TIAM1: variants seen among roughly 807,000 people sequenced by gnomAD.
The protein encoded by TIAM1 is TIAM Rac1 associated GEF 1, also known as rho guanine nucleotide exchange factor TIAM1.
In TIAM1, 65 loss-of-function variants were observed where a neutral mutation model predicts 163.5. The observed-to-expected ratio is 0.40, with a 90% CI of 0.33 to 0.49. The LOEUF (loss-of-function observed/expected upper bound fraction) is 0.49. TIAM1 is among the 20% of genes least tolerant of loss of function. The probability of loss-of-function intolerance (pLI) is 0.77; values close to 1 mark genes in which losing one functional copy is unlikely to be tolerated. For synonymous variants in TIAM1, 833 were observed against 810.1 expected (o/e 1.03, Z -0.48); for missense variants, 1,789 against 2,044.7 (o/e 0.87, Z 2.41).
chr21:31,408,406 C>G (rs938157765), intron 2 of TIAM1, among the ~76,000 whole-genome samples: 1 of 152,106 alleles, frequency 6.6e-6, no homozygotes, highest in African/African-American at 2.4e-5. Flanking sequence ...GAATTCTCTT[C>G]TTTTATAAAG....
chr21:31,391,826 G>C (rs555275650), intron 2 of TIAM1, among the ~76,000 whole-genome samples: 11 of 152,238 alleles, frequency 7.2e-5, no homozygotes, highest in Non-Finnish European at 1.3e-4. Context: ...AAAATTAAAA[G>C]CTGCTAGACA....
chr21:31,159,536 A>G (rs2083796466), intron 16 of TIAM1, among the ~76,000 whole-genome samples: 1 of 152,230 alleles, frequency 6.6e-6, no homozygotes, highest in Admixed American at 6.5e-5. Flanking sequence ...AAAATCTTAT[A>G]GCCTTTACTT....
chr21:31,438,151 C>T (rs917192962), intron 2 of TIAM1, among the ~76,000 whole-genome samples: 5 of 142,434 alleles, frequency 3.5e-5, no homozygotes, highest in African/African-American at 1.0e-4. Flanking sequence ...CTAGGCCACA[C>T]ATACATATGT....
chr21:31,347,692 G>T (rs1381056855), upstream of TIAM1, among the ~76,000 whole-genome samples: 1 of 152,126 alleles, frequency 6.6e-6, no homozygotes, highest in African/African-American at 2.4e-5. Flanking sequence ...GACGCTAAAT[G>T]ATACAAAAAT....
At chr21:31,168,510 C>T (rs746365880) in intron 15 of TIAM1, among the ~76,000 whole-genome samples, 9 of 152,206 alleles carry the variant, frequency 5.9e-5, no homozygotes, top group African/African-American at 9.7e-5. Flanking sequence ...ACACCATTCT[C>T]CTGCCTCAGT....
intron 1 of TIAM1, among the ~76,000 whole-genome samples, chr21:31,519,481 C>T (rs2047501805): frequency 6.9e-6 from 1 of 145,618 alleles, no homozygotes; most frequent in African/African-American, 2.5e-5. Flanking sequence ...TGCACTCCAG[C>T]CTGAGCCACA....
rs2077047175 is a variant in TIAM1 at position 31,395,359 on chromosome 21, T to G, written c.-368-55937A>C. On this transcript the variant is annotated intron_variant, in intron 2 of 28. Transcript: ENST00000286827. The surrounding 1 kb of genome is among the most constrained non-coding windows in gnomAD (Gnocchi z 7.5). ...ACAAATGGCCCCACACACAGATCACTGCTTGCCTCCAGAGAGAAGCAGTCC... is the reference window on the plus strand; with the variant it reads ...ACAAATGGCCCCACACACAGATCACGGCTTGCCTCCAGAGAGAAGCAGTCC... 6.6e-6 allele frequency among the ~76,000 whole-genome samples: 1 copy of G among 152,070 alleles called. No homozygotes were observed. Among genetic ancestry groups the G allele is most frequent in the Non-Finnish European group, 1.5e-5 (1 of 67,990 alleles).
At chr21:31,376,621 T>C (rs1010376139) in intron 2 of TIAM1, among the ~76,000 whole-genome samples, 1 of 152,058 alleles carries the variant, frequency 6.6e-6, no homozygotes, top group Admixed American at 6.6e-5. Flanking sequence ...CTGAAAGGAC[T>C]TGTGGGTGAT....
At chr21:31,468,814 CTCAGATTGCCCTTCA>C (rs1482716442) in intron 1 of TIAM1, among the ~76,000 whole-genome samples, 1 of 152,092 alleles carries the variant, frequency 6.6e-6, no homozygotes, top group Non-Finnish European at 1.5e-5. Context: ...GCTAAATACT[CTCAGATTGCCCTTCA>C]GATGACTTTT....
intron 1 of TIAM1, among the ~76,000 whole-genome samples, chr21:31,548,580 T>C (rs1407346597): frequency 1.3e-5 from 2 of 150,956 alleles, no homozygotes; most frequent in Non-Finnish European, 2.9e-5. Context: ...ACTCTGCTCC[T>C]GGGCTCAAAC....
At chr21:31,139,852 G>A (rs2082766995) in intron 22 of TIAM1, among the ~76,000 whole-genome samples, 1 of 152,162 alleles carries the variant, frequency 6.6e-6, no homozygotes, top group African/African-American at 2.4e-5. Flanking sequence ...TTGAGAGCCT[G>A]TGCGATTCTT....
chr21:31,371,620 G>C (rs1330349567), intron 2 of TIAM1, among the ~76,000 whole-genome samples: 4 of 152,110 alleles, frequency 2.6e-5, no homozygotes, highest in Non-Finnish European at 4.4e-5. Flanking sequence ...ACCTTAAAAA[G>C]AACTAAGGGT....
intron 4 of TIAM1, among the ~76,000 whole-genome samples, chr21:31,261,322 T>C (rs2072461448): frequency 6.7e-6 from 1 of 149,268 alleles, no homozygotes; most frequent in African/African-American, 2.5e-5. Context: ...AATCTGAGGA[T>C]ATTGAGCTGA....
chr21:31,533,740 T>A (rs968411458), intron 1 of TIAM1, among the ~76,000 whole-genome samples: 3 of 152,050 alleles, frequency 2.0e-5, no homozygotes, highest in African/African-American at 7.2e-5. Context: ...TCTAAAAAAA[T>A]AAAATAAAAA....
intron 2 of TIAM1, among the ~76,000 whole-genome samples, chr21:31,419,127 G>A (rs552946661): frequency 1.3e-5 from 2 of 152,088 alleles, no homozygotes; most frequent in Admixed American, 1.3e-4. Flanking sequence ...CAACCTCCTC[G>A]CTTCTCCTCC....
Position 31,266,855 on chromosome 21 carries a change from T to C in TIAM1, c.118A>G (p.Arg40Gly), listed in dbSNP as rs563801499. 3.1e-6 allele frequency: 5 copies of C among 1,614,156 alleles called. No homozygotes were observed. In the South Asian group the frequency reaches 5.5e-5, roughly 18 times the overall value. The change falls in exon 4 of 28, where the codon AGG becomes GGG. Residue 40 changes from arginine to glycine, a missense_variant. Transcript: ENST00000541036. ...ATCACCTTCCCCGAGGAAGCGTGCC[T>C]GGTCCTCCGCGTCTTGTGCGAGAGG... ...LRLSHKTRRT[R>G]HASSGKVIHR...
chr21:31,226,994 T>C (rs183614874), intron 6 of TIAM1, among the ~76,000 whole-genome samples: 1 of 148,488 alleles, frequency 6.7e-6, no homozygotes, highest in Non-Finnish European at 1.5e-5. Context: ...TCGTGCTCTG[T>C]TGCCCAGGCT....
intron 1 of TIAM1, among the ~76,000 whole-genome samples, chr21:31,527,015 T>G (rs2147508027): frequency 6.6e-6 from 1 of 152,252 alleles, no homozygotes. Flanking sequence ...AGCTGTATAC[T>G]CTTTCCTGAT....
chr21:31,338,082 C>T (rs964303789), intron 2 of TIAM1, among the ~76,000 whole-genome samples: 5 of 152,112 alleles, frequency 3.3e-5, no homozygotes, highest in Non-Finnish European at 5.9e-5. Context: ...TTATCTGCTC[C>T]GTGTCCAGAC....
Sources: gnomAD v4.1 joint callset for allele counts (sites outside exome capture counted in the v4.1 genomes callset) on GRCh38, gnomAD v4.1.1 for gene constraint, Gnocchi (gnomAD v3.1) non-coding constraint, MANE v1.5 for transcripts, NCBI Gene and HGNC (gene_info 2026-07-23, HGNC 2026-07-21) for gene names.